The following TLK1 variants were observed in gnomAD, a reference collection of about 807,000 sequenced individuals.
The protein encoded by TLK1 is serine/threonine-protein kinase tousled-like 1.
TLK1 carries 24 observed loss-of-function variants against 105.3 expected under a neutral mutation model. The ratio of observed to expected loss-of-function variants is 0.23; its 90% confidence interval spans 0.17 to 0.32. The LOEUF is 0.32. TLK1 is among the 10% of genes least tolerant of loss of function. The probability of loss-of-function intolerance (pLI) is 1.00; values close to 1 mark genes in which losing one functional copy is unlikely to be tolerated. For synonymous variants in TLK1, 321 were observed against 310.4 expected (o/e 1.03, Z -0.36); for missense variants, 558 against 910.5 (o/e 0.61, Z 4.98).
At chr2:171,159,937 G>A (rs1490643286) in intron 1 of TLK1, 3 of 207,262 alleles carry the variant, frequency 1.4e-5, no homozygotes, top group African/African-American at 7.0e-5. Context: ...GAGGTTAAGA[G>A]TACTGAGTGT....
intron 1 of TLK1, among the ~76,000 whole-genome samples, chr2:171,189,694 A>G (rs1050931605): frequency 6.6e-6 from 1 of 152,204 alleles, no homozygotes; most frequent in Non-Finnish European, 1.5e-5. Flanking sequence ...GATATTTTTC[A>G]TGTACCAAGA....
intron 1 of TLK1, among the ~76,000 whole-genome samples, chr2:171,130,867 AG>A (rs1171149396): frequency 6.6e-6 from 1 of 152,146 alleles, no homozygotes; most frequent in Non-Finnish European, 1.5e-5. Context: ...TCAAGACTCC[AG>A]GGAATGCCAA....
chr2:171,122,351 T>C (rs1048711131), intron 1 of TLK1, among the ~76,000 whole-genome samples: 2 of 152,178 alleles, frequency 1.3e-5, no homozygotes, highest in African/African-American at 4.8e-5. Flanking sequence ...ATGTTAATCC[T>C]AAACAGTAGA....
At chr2:171,135,261 T>C (rs145982558) in intron 1 of TLK1, among the ~76,000 whole-genome samples, 24 of 152,092 alleles carry the variant, frequency 1.6e-4, no homozygotes, top group African/African-American at 5.5e-4. Flanking sequence ...GTGACCGATA[T>C]GTTAATTAGC....
chr2:171,187,236 C>A (rs1317636359), intron 1 of TLK1, among the ~76,000 whole-genome samples: 1 of 151,938 alleles, frequency 6.6e-6, no homozygotes, highest in Non-Finnish European at 1.5e-5. Context: ...CTCTAGGAGT[C>A]TCCCTTGCAT....
chr2:171,039,419 GGC>G (rs1193160337), intron 11 of TLK1, among the ~76,000 whole-genome samples: 3 of 151,862 alleles, frequency 2.0e-5, no homozygotes, highest in Non-Finnish European at 4.4e-5. Context: ...GCCCATGCCT[GGC>G]TAATTTTTGC....
chr2:171,218,869 A>T (rs979959834), intron 1 of TLK1, among the ~76,000 whole-genome samples: 2 of 152,202 alleles, frequency 1.3e-5, no homozygotes, highest in African/African-American at 4.8e-5. Flanking sequence ...TTTCAACCTA[A>T]ATTTTGGAGG....
intron 1 of TLK1, among the ~76,000 whole-genome samples, chr2:171,127,323 T>C (rs1397991849): frequency 6.6e-6 from 1 of 151,632 alleles, no homozygotes; most frequent in African/African-American, 2.4e-5. Context: ...GTCTATATTG[T>C]ATAACACTGG....
At chr2:171,121,182 C>T (rs1486445258) in intron 1 of TLK1, among the ~76,000 whole-genome samples, 6 of 152,056 alleles carry the variant, frequency 3.9e-5, no homozygotes, top group Non-Finnish European at 8.8e-5. Context: ...CTTAATACCA[C>T]TGAACTTTAC....
At chr2:171,041,105 A>C (rs1686654225) in intron 11 of TLK1, among the ~76,000 whole-genome samples, 1 of 152,230 alleles carries the variant, frequency 6.6e-6, no homozygotes, top group African/African-American at 2.4e-5. Context: ...TGTAAGTGTC[A>C]ACAGACTTTA....
At chr2:171,070,642 C>T (rs2356595) in intron 3 of TLK1, among the ~76,000 whole-genome samples, 148,815 of 152,342 alleles carry the variant, frequency 0.98, 72,802 homozygotes, top group East Asian at 1. Context: ...CTCCACTGTG[C>T]GTATGTACCA....
chr2:171,106,905 T>TG (rs1401609583), intron 2 of TLK1, among the ~76,000 whole-genome samples: 1 of 152,208 alleles, frequency 6.6e-6, no homozygotes, highest in Admixed American at 6.5e-5. Context: ...AACATATACC[T>TG]GTACTTGAAT....
At chr2:171,219,206 C>T (rs1693765202) in intron 1 of TLK1, among the ~76,000 whole-genome samples, 1 of 152,152 alleles carries the variant, frequency 6.6e-6, no homozygotes, top group Non-Finnish European at 1.5e-5. Context: ...AGGCCAAAAG[C>T]AAGGTGTTGG....
At chr2:171,182,266 G>A (rs556380560) in intron 1 of TLK1, among the ~76,000 whole-genome samples, 23 of 152,228 alleles carry the variant, frequency 1.5e-4, no homozygotes, top group African/African-American at 1.7e-4. Context: ...AATTTTACAC[G>A]GTCTCAAAGT....
chr2:171,003,933 G>A (rs1684520566), intron 18 of TLK1, among the ~76,000 whole-genome samples: 1 of 152,060 alleles, frequency 6.6e-6, no homozygotes, highest in African/African-American at 2.4e-5. Context: ...ACGCCTTCGT[G>A]ACATACCTTT....
upstream of TLK1, among the ~76,000 whole-genome samples, chr2:171,162,879 G>A (rs1477903185): frequency 2.0e-5 from 3 of 152,034 alleles, no homozygotes; most frequent in Non-Finnish European, 2.9e-5. Context: ...TGCAGCCTCC[G>A]CCTCCCGGGT....
chr2:171,219,363 G>C (rs187654737), intron 1 of TLK1, among the ~76,000 whole-genome samples: 17 of 152,182 alleles, frequency 1.1e-4, no homozygotes, highest in Admixed American at 3.3e-4. Flanking sequence ...TGTGTGAATC[G>C]AGTCTCCCTC....
intron 1 of TLK1, among the ~76,000 whole-genome samples, chr2:171,228,876 C>T (rs1693944064): frequency 6.6e-6 from 1 of 152,286 alleles, no homozygotes; most frequent in Admixed American, 6.5e-5. Context: ...TGTAGGATAA[C>T]CTTTCTGTCA....
Position 171,049,503 on chromosome 2 carries a change from C to T in TLK1, c.980+311G>A, listed in dbSNP as rs541515706. On this transcript the variant is annotated intron_variant, in intron 10 of 20. Coordinates refer to ENST00000431350, the MANE Select transcript of TLK1 (RefSeq NM_012290.5). ...CTAGGAAATAAACACACACACAAAT[C>T]TTCCAGTGAAAATTAAATTTTCAAC... 5.3e-5 allele frequency among the ~76,000 whole-genome samples: 8 copies of T among 152,244 alleles called. No individual in the cohort carries two copies. In the South Asian group the frequency reaches 1.7e-3, roughly 32 times the overall value.
Sources: gnomAD v4.1 joint callset for allele counts (sites outside exome capture counted in the v4.1 genomes callset) on GRCh38, gnomAD v4.1.1 for gene constraint, MANE v1.5 for transcripts, NCBI Gene and HGNC (gene_info 2026-07-23, HGNC 2026-07-21) for gene names.